Variants in RSRC1 observed in about 807,000 individuals in gnomAD.
The protein encoded by RSRC1 is arginine and serine rich coiled-coil 1.
Under a neutral mutation model 49.1 loss-of-function variants are expected in RSRC1, and 39 were observed. The observed-to-expected ratio is 0.79, with a 90% CI of 0.61 to 1.04. The LOEUF is 1.04. Among genes scored for constraint, RSRC1 ranks in the 50% least tolerant of loss-of-function variants. The pLI is 0.00. For missense variants in RSRC1, 388 were observed against 402.4 expected, an observed-to-expected ratio of 0.96 and a Z score of 0.31; for synonymous variants, 143 against 130.8, an observed-to-expected ratio of 1.09 and a Z score of -0.63.
chr3:158,541,494 A>G (rs1713029862), intron 8 of RSRC1, among the ~76,000 whole-genome samples: 1 of 152,234 alleles, frequency 6.6e-6, no homozygotes, highest in South Asian at 2.1e-4. Context: ...CTTAGCAATT[A>G]GTAGTGCTCA....
intron 3 of RSRC1, among the ~76,000 whole-genome samples, chr3:158,164,610 G>A (rs912944950): frequency 1.9e-4 from 29 of 151,942 alleles, no homozygotes; most frequent in African/African-American, 6.8e-4. Flanking sequence ...AAAGCATGTA[G>A]GTAGCTATGC....
At chr3:158,335,923 A>G (rs1490971720) in intron 5 of RSRC1, among the ~76,000 whole-genome samples, 1 of 152,204 alleles carries the variant, frequency 6.6e-6, no homozygotes, top group African/African-American at 2.4e-5. Flanking sequence ...CAATGATAGT[A>G]GAGATTCTGA....
intron 6 of RSRC1, among the ~76,000 whole-genome samples, chr3:158,381,673 C>T (rs9852974): frequency 0.093 from 14,117 of 152,196 alleles, 2,232 homozygotes; most frequent in African/African-American, 0.33. Flanking sequence ...TAAACCTGAA[C>T]AGCATGTTGC....
chr3:158,330,218 C>G (rs956606351), intron 5 of RSRC1, among the ~76,000 whole-genome samples: 2 of 152,226 alleles, frequency 1.3e-5, no homozygotes, highest in Non-Finnish European at 2.9e-5. Flanking sequence ...TCAGCTCACA[C>G]TAGGTGGACT....
intron 3 of RSRC1, among the ~76,000 whole-genome samples, chr3:158,171,894 G>A (rs1718901336): frequency 6.6e-6 from 1 of 152,054 alleles, no homozygotes; most frequent in African/African-American, 2.4e-5. Flanking sequence ...CAAGGCATGA[G>A]CAAACCATGA....
At chr3:158,123,750 C>T (rs1715436872) in intron 2 of RSRC1, 116 bp from the exon 3 acceptor site, 5 of 957,330 alleles carry the variant, frequency 5.2e-6, no homozygotes, top group South Asian at 1.7e-5. Context: ...CTGTTTGCTT[C>T]CAGGAAACAG....
intron 3 of RSRC1, among the ~76,000 whole-genome samples, chr3:158,175,460 T>C (rs775191699): frequency 1.5e-4 from 23 of 151,732 alleles, no homozygotes; most frequent in Non-Finnish European, 2.9e-4. Context: ...GTATTTATTT[T>C]CATGTGTGGT....
At chr3:158,491,670 A>C (rs1175433370) in intron 7 of RSRC1, among the ~76,000 whole-genome samples, 1 of 152,200 alleles carries the variant, frequency 6.6e-6, no homozygotes, top group Non-Finnish European at 1.5e-5. Flanking sequence ...ATTTATGGAC[A>C]TGTGTTTGAT....
chr3:158,282,478 A>G lies in RSRC1; in HGVS notation c.495-15561A>G, dbSNP rs16828858. Among the ~76,000 whole-genome samples, 1,952 of 152,324 alleles carry G rather than the reference A, an allele frequency of 0.013. 135 individuals carry two copies. In the East Asian group the frequency reaches 0.14, roughly 11 times the overall value. ...TTTTCTGATGTTAATGTATTGAACAATCCTCATCAAAGGTCTGTGTAGTAA... is the reference window on the plus strand; with the variant it reads ...TTTTCTGATGTTAATGTATTGAACAGTCCTCATCAAAGGTCTGTGTAGTAA... On this transcript the variant is annotated intron_variant, in intron 4 of 9. Coordinates refer to ENST00000611884, the MANE Select transcript of RSRC1 (RefSeq NM_001271838.2).
chr3:158,191,595 G>A (rs1720247866), intron 3 of RSRC1, among the ~76,000 whole-genome samples: 1 of 151,778 alleles, frequency 6.6e-6, no homozygotes, highest in Non-Finnish European at 1.5e-5. Flanking sequence ...AGGACATCTT[G>A]CTATCCATTT....
intron 6 of RSRC1, among the ~76,000 whole-genome samples, chr3:158,368,815 T>G (rs1368766635): frequency 6.6e-6 from 1 of 152,192 alleles, no homozygotes; most frequent in Admixed American, 6.5e-5. Context: ...GCCATTAAAA[T>G]ATCTGTACTG....
chr3:158,307,136 G>GT lies in RSRC1; in HGVS notation c.531+9064dup, dbSNP rs1323534237. ...TATGATCTGGATAGGTAACAGGTTT[G>GT]TTTGTTTTTTTTACTGAGCACATAT... On this transcript the variant is annotated intron_variant, in intron 5 of 9. Transcript: ENST00000611884. Among the ~76,000 whole-genome samples, 1,475 of 147,864 alleles carry GT rather than the reference G, an allele frequency of 1.0e-2. 30 individuals are homozygous for GT. Among genetic ancestry groups the GT allele is most frequent in the African/African-American group, 0.033 (1,318 of 40,318 alleles).
At chr3:158,368,636 C>T (rs1731904982) in intron 6 of RSRC1, among the ~76,000 whole-genome samples, 1 of 152,096 alleles carries the variant, frequency 6.6e-6, no homozygotes, top group African/African-American at 2.4e-5. Context: ...ATTTGTTTTC[C>T]CTGACTTCAT....
intron 6 of RSRC1, among the ~76,000 whole-genome samples, chr3:158,370,703 T>C (rs1025926435): frequency 2.0e-5 from 3 of 151,950 alleles, no homozygotes; most frequent in Admixed American, 2.0e-4. Context: ...TGAGTAAAGC[T>C]TATATGGATG....
chr3:158,497,671 G>A (rs540830439), intron 7 of RSRC1, among the ~76,000 whole-genome samples: 17 of 151,968 alleles, frequency 1.1e-4, no homozygotes, highest in Non-Finnish European at 2.2e-4. Flanking sequence ...TCTTGACCTC[G>A]TGATCCGCCT....
At chr3:158,320,546 C>T (rs921331951) in intron 5 of RSRC1, among the ~76,000 whole-genome samples, 26 of 151,992 alleles carry the variant, frequency 1.7e-4, no homozygotes, top group African/African-American at 5.1e-4. Flanking sequence ...CTAGTGATAC[C>T]GAGAGATTAT....
At chr3:158,491,850 C>CT (rs1286741774) in intron 7 of RSRC1, among the ~76,000 whole-genome samples, 1 of 151,994 alleles carries the variant, frequency 6.6e-6, no homozygotes, top group East Asian at 1.9e-4. Flanking sequence ...GAGGTTTTGC[C>CT]TTTTTATATA....
intron 5 of RSRC1, among the ~76,000 whole-genome samples, chr3:158,330,125 C>T (rs1729459966): frequency 6.6e-6 from 1 of 152,258 alleles, no homozygotes; most frequent in Admixed American, 6.5e-5. Context: ...TTCCAGGTGC[C>T]ATCTGTCACC....
chr3:158,182,192 T>C (rs1719659785), intron 3 of RSRC1, among the ~76,000 whole-genome samples: 1 of 152,096 alleles, frequency 6.6e-6, no homozygotes, highest in South Asian at 2.1e-4. Context: ...CTTAGATGTC[T>C]GGGGAAGTGT....
Sources: gnomAD v4.1 joint callset for allele counts (sites outside exome capture counted in the v4.1 genomes callset) on GRCh38, gnomAD v4.1.1 for gene constraint, MANE v1.5 for transcripts, NCBI Gene and HGNC (gene_info 2026-07-23, HGNC 2026-07-21) for gene names.